Variants in SLC27A1 observed in about 807,000 individuals in gnomAD.
SLC27A1 encodes solute carrier family 27 member 1.
A neutral mutation model predicts 62.2 loss-of-function variants in SLC27A1; 61 were observed. That is an observed-to-expected ratio of 0.98 (90% CI 0.80 to 1.21). The LOEUF (loss-of-function observed/expected upper bound fraction) is 1.21. SLC27A1 is among the 50% of genes most tolerant of loss of function. The pLI, the probability that SLC27A1 is intolerant of heterozygous loss-of-function variation, is 0.00. For missense variants in SLC27A1, 903 were observed against 932.1 expected, an observed-to-expected ratio of 0.97 and a Z score of 0.41; for synonymous variants, 435 against 408.6, an observed-to-expected ratio of 1.06 and a Z score of -0.78.
chr19:17,493,436 A>AAC (rs1443890485), intron 6 of SLC27A1, among the ~76,000 whole-genome samples: 3 of 151,372 alleles, frequency 2.0e-5, no homozygotes, highest in Non-Finnish European at 4.4e-5. Context: ...TCAAAAAAAA[A>AAC]AAAAAAAAAA....
At position 17,470,560 on chromosome 19, in the gene SLC27A1, G is replaced by A. The variant is rs1398778704; in HGVS notation, c.20G>A (p.Gly7Asp). 9.6e-6 allele frequency: 15 copies of A among 1,563,934 alleles called. No individual in the cohort carries two copies. The highest frequency in any genetic ancestry group is 1.2e-5 in the Non-Finnish European group (14 of 1,164,088). Residue 7 changes from glycine to aspartate, a missense_variant, in exon 1 of 12, where the codon GGC (glycine) becomes GAC (aspartate). Coordinates refer to ENST00000252595, the MANE Select transcript of SLC27A1 (RefSeq NM_198580.3). The stretch of plus-strand genomic sequence containing the variant: ...CCCAGGATGCGGGCTCCGGGTGCGG[G>A]CGCGGCCTCGGTGGTCTCGCTGGCG... The part of the protein sequence containing the change: MRAPGA[G>D]AASVVSLALL...
intron 4 of SLC27A1, among the ~76,000 whole-genome samples, chr19:17,488,047 C>A (rs1359924680): frequency 6.6e-6 from 1 of 152,180 alleles, no homozygotes; most frequent in East Asian, 1.9e-4. Context: ...CCTGCATCTA[C>A]CGTGACCCTC....
Position 17,500,620 on chromosome 19 carries a change from G to A in SLC27A1, c.1459G>A (p.Ala487Thr), listed in dbSNP as rs1568424613. Residue 487 changes from alanine to threonine, a missense_variant, in exon 9 of 12, where the codon GCC (alanine) becomes ACC (threonine). Physicochemically the swap from Ala to Thr is moderately conservative, Grantham distance 58. Transcript: ENST00000252595. Reference sequence around the variant, plus strand: ...CAGCGTCTTCAGCAAGGGCGACAGCGCCTACCTCTCAGGTGCGCAGCCTGC... The same window carrying A: ...CAGCGTCTTCAGCAAGGGCGACAGCACCTACCTCTCAGGTGCGCAGCCTGC... Reference protein sequence around the residue: ...AHSVFSKGDSAYLSGDVLVMD... With the variant: ...AHSVFSKGDSTYLSGDVLVMD... 3.7e-6 allele frequency: 6 copies of A among 1,613,718 alleles called. No homozygotes were observed. Among genetic ancestry groups the A allele is most frequent in the African/African-American group, 2.7e-5 (2 of 75,072 alleles).
chr19:17,493,656 G>A (rs1479125933), intron 6 of SLC27A1, among the ~76,000 whole-genome samples: 3 of 150,104 alleles, frequency 2.0e-5, no homozygotes, highest in African/African-American at 7.4e-5. Context: ...ACACAGTCTC[G>A]CTGCATCTCC....
chr19:17,497,416 C>T lies in SLC27A1; in HGVS notation c.1158C>T (p.Phe386=). The T allele has an allele frequency of 6.2e-7, 1 of 1,605,362 alleles. No individual in the cohort carries two copies. The highest frequency in any genetic ancestry group is 8.5e-7 in the Non-Finnish European group (1 of 1,177,282). ...ERFGVRQIGE[F]YGATECNCSI... Reference sequence around the variant, plus strand: ...TCGGCGTACGCCAAATCGGGGAGTTCTACGGCGCCACCGAGTGCAACTGCA... The same window carrying T: ...TCGGCGTACGCCAAATCGGGGAGTTTTACGGCGCCACCGAGTGCAACTGCA... Residue 386 remains phenylalanine (F), a synonymous_variant, in exon 7 of 12, where the codon TTC becomes TTT. Transcript: ENST00000252595.
intron 1 of SLC27A1, among the ~76,000 whole-genome samples, chr19:17,479,504 T>G (rs1011501918): frequency 1.9e-4 from 29 of 152,204 alleles, no homozygotes; most frequent in African/African-American, 7.0e-4. Flanking sequence ...TTAGGGCGTT[T>G]GGTGTTTTTC....
At chr19:17,501,188 A>G in intron 10 of SLC27A1, 85 bp from the exon 11 acceptor site, 1 of 1,539,654 alleles carries the variant, frequency 6.5e-7, no homozygotes. Flanking sequence ...ATTACAGACC[A>G]GGGGCTACTG....
chr19:17,474,462 TG>T (rs2075103505), intron 1 of SLC27A1, among the ~76,000 whole-genome samples: 1 of 152,104 alleles, frequency 6.6e-6, no homozygotes, highest in African/African-American at 2.4e-5. Context: ...TCTGCTCCCA[TG>T]GGCCCTGTGG....
intron 11 of SLC27A1, among the ~76,000 whole-genome samples, chr19:17,502,802 C>T (rs1414125198): frequency 6.6e-6 from 1 of 152,106 alleles, no homozygotes; most frequent in African/African-American, 2.4e-5. Context: ...CCTCCCACCT[C>T]AGCCTCTGGA....
chr19:17,470,601 G>A lies in SLC27A1; in HGVS notation c.61G>A (p.Gly21Arg), dbSNP rs767821020. The A allele has an allele frequency of 2.6e-6, 4 of 1,567,232 alleles. No individual in the cohort carries two copies. Among genetic ancestry groups the A allele is most frequent in the South Asian group, 2.3e-5 (2 of 87,190 alleles). ...CTCGCTGGCGCTGTTGTGGCTGCTG[G>A]GGCTGCCGTGGACCTGGAGCGCGGC... ...VVSLALLWLL[G>R]LPWTWSAAAA... is the part of the protein sequence containing the mutation. The change falls in exon 1 of 12, where the codon GGG (glycine) becomes AGG (arginine). Residue 21 changes from glycine to arginine, a missense_variant. By Grantham distance (125) the Gly-to-Arg change is moderately radical. Transcript: ENST00000252595.
intron 7 of SLC27A1, chr19:17,499,990 CCA>C (rs1249119334): frequency 1.1e-5 from 5 of 466,140 alleles, no homozygotes; most frequent in Non-Finnish European, 1.9e-5. Context: ...GCTGTAGTGT[CCA>C]CACAGAGGCA....
intron 6 of SLC27A1, chr19:17,496,307 G>C (rs1302333558): frequency 6.6e-5 from 10 of 152,170 alleles, no homozygotes; most frequent in Non-Finnish European, 1.5e-5. Flanking sequence ...GTGGCGGGGG[G>C]GGAGTCATTC....
intron 1 of SLC27A1, among the ~76,000 whole-genome samples, chr19:17,477,240 CTTTTTTT>C (rs1221324202): frequency 6.8e-5 from 3 of 43,808 alleles, no homozygotes; most frequent in African/African-American, 2.8e-4. Flanking sequence ...ATGAGCAGCG[CTTTTTTT>C]TTTTTTTTTT....
At chr19:17,485,469 T>G (rs2075220320) in intron 1 of SLC27A1, among the ~76,000 whole-genome samples, 1 of 151,462 alleles carries the variant, frequency 6.6e-6, no homozygotes, top group Non-Finnish European at 1.5e-5. Context: ...ATTACAGGTG[T>G]GAGCCACCAC....
intron 11 of SLC27A1, 144 bp from the exon 12 acceptor site, chr19:17,504,311 G>C: frequency 2.0e-6 from 2 of 1,012,584 alleles, no homozygotes; most frequent in Non-Finnish European, 2.9e-6. Context: ...AGACAAGGGG[G>C]AATCAGGCAG....
At chr19:17,476,880 T>C (rs1248575124) in intron 1 of SLC27A1, among the ~76,000 whole-genome samples, 1 of 73,232 alleles carries the variant, frequency 1.4e-5, no homozygotes, top group Non-Finnish European at 3.0e-5. Context: ...AGAATGATCA[T>C]CTGTTTTTTT....
At chr19:17,502,923 A>C (rs140346409) in intron 11 of SLC27A1, among the ~76,000 whole-genome samples, 1 of 152,162 alleles carries the variant, frequency 6.6e-6, no homozygotes, top group Non-Finnish European at 1.5e-5. Context: ...GACATATCCG[A>C]GACTGGGTAA....
chr19:17,497,169 G>A, intron 6 of SLC27A1, 86 bp from the exon 7 acceptor site: 1 of 1,062,100 alleles, frequency 9.4e-7, no homozygotes, highest in Admixed American at 2.8e-5. Context: ...AGCTCCCTGG[G>A]TGGGGCGGTC....
intron 11 of SLC27A1, among the ~76,000 whole-genome samples, chr19:17,502,344 GT>G (rs1231886797): frequency 1.4e-3 from 22 of 15,714 alleles, no homozygotes; most frequent in East Asian, 0.01. Flanking sequence ...TGTTTTTTTT[GT>G]TTTTTTTTTT....
Sources: gnomAD v4.1 joint callset for allele counts (sites outside exome capture counted in the v4.1 genomes callset) on GRCh38, gnomAD v4.1.1 for gene constraint, MANE v1.5 for transcripts, NCBI Gene and HGNC (gene_info 2026-07-23, HGNC 2026-07-21) for gene names.